MED27: variants seen among roughly 807,000 people sequenced by gnomAD.
MED27 encodes the protein mediator of RNA polymerase II transcription subunit 27.
In MED27, 30 loss-of-function variants were observed where a neutral mutation model predicts 38.2. The observed-to-expected ratio is 0.79, with a 90% CI of 0.59 to 1.07. MED27 has a LOEUF of 1.07. Ranked by LOEUF, MED27 falls within the 50% of genes least tolerant of loss-of-function variation. The pLI, the probability that MED27 is intolerant of heterozygous loss-of-function variation, is 0.00. For synonymous variants in MED27, 122 were observed against 153.5 expected (o/e 0.79, Z 1.52); for missense variants, 289 against 397.5 (o/e 0.73, Z 2.32).
intron 6 of MED27, among the ~76,000 whole-genome samples, chr9:131,865,649 GA>G (rs1246882374): frequency 6.6e-6 from 1 of 152,184 alleles, no homozygotes; most frequent in African/African-American, 2.4e-5. Flanking sequence ...CTCCGTGTGT[GA>G]CACCTTCCCT....
chr9:132,011,870 C>T (rs1395722140), intron 3 of MED27, among the ~76,000 whole-genome samples: 1 of 151,924 alleles, frequency 6.6e-6, no homozygotes, highest in East Asian at 1.9e-4. Context: ...TCTTAGGACA[C>T]AGTAACCACT....
chr9:131,922,004 C>T (rs1759469923), intron 4 of MED27, among the ~76,000 whole-genome samples: 2 of 138,630 alleles, frequency 1.4e-5, no homozygotes, highest in Admixed American at 7.9e-5. Context: ...TAGGGAACAT[C>T]ACACACCGGG....
chr9:131,945,844 T>C (rs1434906700), intron 3 of MED27, among the ~76,000 whole-genome samples: 1 of 149,978 alleles, frequency 6.7e-6, no homozygotes, highest in Admixed American at 6.7e-5. Context: ...GGTATGTACC[T>C]ATAGTCCCAG....
At chr9:131,914,573 A>C (rs1162693851) in intron 4 of MED27, among the ~76,000 whole-genome samples, 1 of 152,242 alleles carries the variant, frequency 6.6e-6, no homozygotes, top group African/African-American at 2.4e-5. Flanking sequence ...ATCCTCACAG[A>C]GCTCTCATTC....
At chr9:132,006,210 C>T (rs1321685758) in intron 3 of MED27, among the ~76,000 whole-genome samples, 2 of 152,262 alleles carry the variant, frequency 1.3e-5, no homozygotes, top group African/African-American at 4.8e-5. Flanking sequence ...GACATCTCTG[C>T]CCACCAGCCC....
At chr9:131,895,119 T>C (rs1228228510) in intron 4 of MED27, among the ~76,000 whole-genome samples, 1 of 152,168 alleles carries the variant, frequency 6.6e-6, no homozygotes, top group African/African-American at 2.4e-5. Flanking sequence ...GTGAGCTTAA[T>C]CTCTTTTCCT....
chr9:131,868,488 G>C, intron 6 of MED27: 1 of 773,616 alleles, frequency 1.3e-6, no homozygotes, highest in South Asian at 5.9e-5. Context: ...TATTGCCCAG[G>C]CTGGTTTCCA....
At chr9:132,038,208 T>C (rs1343566223) in intron 2 of MED27, among the ~76,000 whole-genome samples, 1 of 147,486 alleles carries the variant, frequency 6.8e-6, no homozygotes, top group African/African-American at 2.5e-5. Context: ...TTTTTTTTTT[T>C]TGAGACGGAG....
intron 6 of MED27, among the ~76,000 whole-genome samples, chr9:131,864,837 C>G (rs999127275): frequency 6.6e-5 from 10 of 152,246 alleles, no homozygotes; most frequent in African/African-American, 2.4e-4. Context: ...GGAGACTGTA[C>G]TGCATACTGA....
At chr9:131,934,964 A>C (rs1271419076) in intron 4 of MED27, among the ~76,000 whole-genome samples, 1 of 152,222 alleles carries the variant, frequency 6.6e-6, no homozygotes, top group Non-Finnish European at 1.5e-5. Flanking sequence ...CAGGCACAGA[A>C]AGATAAACTT....
chr9:131,980,111 G>A (rs1831697070), intron 3 of MED27, among the ~76,000 whole-genome samples: 1 of 147,470 alleles, frequency 6.8e-6, no homozygotes, highest in African/African-American at 2.5e-5. Context: ...ATGTGTGTGT[G>A]TATATATGTG....
At chr9:131,905,701 CAAAAAAAAAAAAA>C (rs58848280) in intron 4 of MED27, among the ~76,000 whole-genome samples, 3 of 60,922 alleles carry the variant, frequency 4.9e-5, no homozygotes, top group South Asian at 8.4e-4. Flanking sequence ...AAGACCTTGT[CAAAAAAAAAAAAA>C]AAAAAAAAAA....
At chr9:132,044,769 T>C (rs1833294777) in intron 2 of MED27, among the ~76,000 whole-genome samples, 1 of 152,150 alleles carries the variant, frequency 6.6e-6, no homozygotes, top group South Asian at 2.1e-4. Flanking sequence ...GACACTCTAA[T>C]TTTTTTTCCC....
At chr9:131,890,934 T>C (rs759395064) in intron 5 of MED27, among the ~76,000 whole-genome samples, 3 of 152,244 alleles carry the variant, frequency 2.0e-5, no homozygotes, top group Non-Finnish European at 4.4e-5. Context: ...GTATTTTTAT[T>C]AATTGCAAGA....
chr9:131,882,692 C>G (rs191290148), intron 6 of MED27, among the ~76,000 whole-genome samples: 2 of 152,200 alleles, frequency 1.3e-5, no homozygotes, highest in Non-Finnish European at 2.9e-5. Flanking sequence ...CCCCACTTCA[C>G]GGGGCTGGCT....
intron 6 of MED27, among the ~76,000 whole-genome samples, chr9:131,877,449 A>G (rs1838956678): frequency 6.6e-6 from 1 of 151,968 alleles, no homozygotes; most frequent in Non-Finnish European, 1.5e-5. Flanking sequence ...GGCAGTGCAC[A>G]CCTATAGTCT....
chr9:131,954,884 AAT>A, intron 3 of MED27, among the ~76,000 whole-genome samples: 1 of 152,336 alleles, frequency 6.6e-6, no homozygotes, highest in South Asian at 2.1e-4. Context: ...GCTCCTAAAA[AAT>A]AGTCAATACC....
intron 2 of MED27, among the ~76,000 whole-genome samples, chr9:132,075,445 T>C (rs1401345453): frequency 2.6e-5 from 4 of 152,218 alleles, no homozygotes; most frequent in Admixed American, 2.6e-4. Flanking sequence ...ATGAGATTTA[T>C]AATCTGGGAT....
intron 4 of MED27, among the ~76,000 whole-genome samples, chr9:131,932,526 TA>T (rs1402368607): frequency 2.0e-5 from 3 of 151,500 alleles, no homozygotes; most frequent in Non-Finnish European, 4.4e-5. Context: ...AGGAAACGGA[TA>T]AATTCATAGA....
Sources: allele counts gnomAD v4.1 joint callset (sites outside exome capture counted in the v4.1 genomes callset), GRCh38; gene constraint gnomAD v4.1.1; transcripts MANE v1.5; gene names NCBI Gene and HGNC (gene_info 2026-07-23, HGNC 2026-07-21).